TMEM132C: variants seen among roughly 807,000 people sequenced by gnomAD.
TMEM132C encodes transmembrane protein 132C, also known as protein phosphatase 1, regulatory subunit 152.
TMEM132C carries 29 observed loss-of-function variants against 61.4 expected under a neutral mutation model. The ratio of observed to expected loss-of-function variants is 0.47; its 90% CI spans 0.35 to 0.64. The LOEUF (loss-of-function observed/expected upper bound fraction) is 0.64. Ranked by LOEUF, TMEM132C falls within the 30% of genes least tolerant of loss-of-function variation. The pLI is 0.00. For synonymous variants in TMEM132C, 656 were observed against 633.1 expected, an observed-to-expected ratio of 1.04 and a Z score of -0.54; for missense variants, 1,408 against 1,476.9, an observed-to-expected ratio of 0.95 and a Z score of 0.76.
Position 128,351,136 on chromosome 12 carries a change from G to A in TMEM132C, c.86-63596G>A, listed in dbSNP as rs535110678. 6.6e-5 allele frequency among the ~76,000 whole-genome samples: 10 copies of A among 152,236 alleles called. No homozygotes were observed. In the South Asian group the frequency reaches 1.2e-3, roughly 19 times the overall value. On this transcript the variant is annotated intron_variant, in intron 1 of 8. Transcript: ENST00000435159. ...TGTAACTCACCACTGACCCTAAGCC[G>A]TTTTCATACCCCATAGTAAGGACTT...
At chr12:128,308,714 TG>T (rs894360067) in intron 1 of TMEM132C, among the ~76,000 whole-genome samples, 12 of 152,104 alleles carry the variant, frequency 7.9e-5, no homozygotes, top group Non-Finnish European at 1.5e-4. Flanking sequence ...TGTCATCTTC[TG>T]GGGGGAGCTG....
intron 3 of TMEM132C, 87 bp downstream of exon 3, chr12:128,544,190 C>T (rs1482592909): frequency 1.5e-5 from 22 of 1,424,260 alleles, no homozygotes; most frequent in Non-Finnish European, 1.9e-5. Context: ...CTTGGACTCG[C>T]GTGAGCGGCT....
In TMEM132C at chr12:128,514,895, A is replaced by T. The variant is rs552695456; in HGVS notation, c.975-29062A>T. On this transcript the variant is annotated intron_variant, in intron 2 of 8. Coordinates refer to ENST00000435159, the MANE Select transcript of TMEM132C (RefSeq NM_001136103.3). ...CTCAGACAACTAACAAATAAATGAA[A>T]CCTGTAAATACAGTGAGCAGACTAT... Among the ~76,000 whole-genome samples the T allele has an allele frequency of 2.0e-5, 3 of 152,308 alleles. No individual in the cohort carries two copies. The East Asian group carries it at 5.8e-4, about 29-fold the overall frequency.
At chr12:128,600,945 T>C (rs1257654083) in intron 3 of TMEM132C, among the ~76,000 whole-genome samples, 1 of 152,188 alleles carries the variant, frequency 6.6e-6, no homozygotes, top group African/African-American at 2.4e-5. Context: ...CCTCAACCCA[T>C]CAATTACGAA....
In TMEM132C at chr12:128,442,291, G is replaced by A. The variant is rs1037625702; in HGVS notation, c.974+26671G>A. Among the ~76,000 whole-genome samples, 7 of 152,184 alleles carry A rather than the reference G, an allele frequency of 4.6e-5. No individual in the cohort carries two copies. The East Asian group carries it at 1.4e-3, about 29-fold the overall frequency. On this transcript the variant is annotated intron_variant, in intron 2 of 8. Coordinates refer to ENST00000435159, the MANE Select transcript of TMEM132C (RefSeq NM_001136103.3). ...TGTTCTTGCCAAAAATGTTAAACTAGAGTTGAATGAGACAGATCCAGTGTG... is the reference window on the plus strand; with the variant it reads ...TGTTCTTGCCAAAAATGTTAAACTAAAGTTGAATGAGACAGATCCAGTGTG...
intron 4 of TMEM132C, among the ~76,000 whole-genome samples, chr12:128,629,885 G>A (rs1277812728): frequency 6.6e-6 from 1 of 150,988 alleles, no homozygotes; most frequent in Non-Finnish European, 1.5e-5. Context: ...ATAGTCACTT[G>A]AACCCGGGAG....
rs76333580 is a variant in TMEM132C at position 128,411,379 on chromosome 12, A to G, written c.86-3353A>G. Among the ~76,000 whole-genome samples, 16 of 152,340 alleles carry G rather than the reference A, an allele frequency of 1.1e-4. No individual in the cohort carries two copies. The East Asian group carries it at 3.1e-3, about 29-fold the overall frequency. On this transcript the variant is annotated intron_variant, in intron 1 of 8. Transcript: ENST00000435159. ...CAATGATCAGTTTGGATCATATCATAAGGAAAAACTGTCGCTTCGATCTGA... is the reference window on the plus strand; with the variant it reads ...CAATGATCAGTTTGGATCATATCATGAGGAAAAACTGTCGCTTCGATCTGA...
chr12:128,359,090 T>C (rs1328695486), intron 1 of TMEM132C, among the ~76,000 whole-genome samples: 1 of 152,194 alleles, frequency 6.6e-6, no homozygotes, highest in Non-Finnish European at 1.5e-5. Flanking sequence ...CAGGACTAGC[T>C]CAAGGTCACA....
intron 4 of TMEM132C, among the ~76,000 whole-genome samples, chr12:128,668,663 G>A (rs925808933): frequency 6.6e-6 from 1 of 152,170 alleles, no homozygotes; most frequent in Non-Finnish European, 1.5e-5. Context: ...CACTTCTGGA[G>A]GACAGAAGTC....
intron 3 of TMEM132C, among the ~76,000 whole-genome samples, chr12:128,587,486 AC>A (rs1227924323): frequency 6.6e-6 from 1 of 152,018 alleles, no homozygotes; most frequent in African/African-American, 2.4e-5. Context: ...TCACACAATC[AC>A]CTCGGGGGCT....
At chr12:128,634,695 G>A (rs572967238) in intron 4 of TMEM132C, among the ~76,000 whole-genome samples, 1 of 152,304 alleles carries the variant, frequency 6.6e-6, no homozygotes, top group Admixed American at 6.5e-5. Flanking sequence ...TCTACAAACT[G>A]AGTAAAACCC....
intron 1 of TMEM132C, among the ~76,000 whole-genome samples, chr12:128,413,594 G>A (rs1713583): frequency 0.9 from 136,145 of 151,502 alleles, 61,727 homozygotes; most frequent in East Asian, 1. Flanking sequence ...TTTCATCTGT[G>A]TTTCTCTAAT....
chr12:128,358,610 C>G (rs1387163461), intron 1 of TMEM132C, among the ~76,000 whole-genome samples: 2 of 151,586 alleles, frequency 1.3e-5, no homozygotes, highest in East Asian at 1.9e-4. Context: ...CCACACAGGA[C>G]ACAGGAATAG....
intron 1 of TMEM132C, among the ~76,000 whole-genome samples, chr12:128,393,531 T>C (rs778910437): frequency 1.7e-4 from 26 of 152,186 alleles, no homozygotes; most frequent in Non-Finnish European, 3.2e-4. Flanking sequence ...TATATTCCAA[T>C]TTCAGTGTTT....
intron 2 of TMEM132C, among the ~76,000 whole-genome samples, chr12:128,456,267 A>ATTTGCGTG (rs1411453719): frequency 1.4e-5 from 2 of 146,322 alleles, no homozygotes; most frequent in Non-Finnish European, 3.0e-5. Flanking sequence ...TGTTTGCGTG[A>ATTTGCGTG]TTTGCGTGGA....
At chr12:128,682,620 A>G (rs763935484) in intron 5 of TMEM132C, among the ~76,000 whole-genome samples, 2 of 152,218 alleles carry the variant, frequency 1.3e-5, no homozygotes, top group African/African-American at 2.4e-5. Context: ...ATGACTCCAA[A>G]TCAGAAAACG....
intron 3 of TMEM132C, among the ~76,000 whole-genome samples, chr12:128,584,500 T>C (rs1205572104): frequency 6.6e-6 from 1 of 152,256 alleles, no homozygotes; most frequent in Non-Finnish European, 1.5e-5. Flanking sequence ...ACACTGACAC[T>C]GTTAGGGTCT....
At chr12:128,319,381 C>CAG (rs1370377383) in intron 1 of TMEM132C, among the ~76,000 whole-genome samples, 3 of 146,364 alleles carry the variant, frequency 2.0e-5, no homozygotes, top group South Asian at 2.2e-4. Context: ...GACAGAGAGA[C>CAG]AGTGTGTGTG....
chr12:128,457,924 A>G (rs1799405160), intron 2 of TMEM132C, among the ~76,000 whole-genome samples: 1 of 152,162 alleles, frequency 6.6e-6, no homozygotes, highest in Admixed American at 6.6e-5. Context: ...CCTGTTTTGC[A>G]CTGCCGGCCA....
Sources: allele counts gnomAD v4.1 joint callset (sites outside exome capture counted in the v4.1 genomes callset), GRCh38; gene constraint gnomAD v4.1.1; transcripts MANE v1.5; gene names NCBI Gene and HGNC (gene_info 2026-07-23, HGNC 2026-07-21).